The following TET3 variants were observed in gnomAD, a reference collection of about 807,000 sequenced individuals.
TET3 encodes the protein tet methylcytosine dioxygenase 3.
A neutral mutation model predicts 141.4 loss-of-function variants in TET3; 19 were observed. The ratio of observed to expected loss-of-function variants is 0.13; its 90% CI spans 0.09 to 0.20. TET3 has a LOEUF of 0.20. Ranked by LOEUF, TET3 falls within the 10% of genes least tolerant of loss-of-function variation. TET3 has a pLI of 1.00. For synonymous variants in TET3, 1,043 were observed against 980.9 expected, an observed-to-expected ratio of 1.06 and a Z score of -1.18; for missense variants, 1,874 against 2,356.9, an observed-to-expected ratio of 0.80 and a Z score of 4.24.
Position 74,047,078 on chromosome 2 carries a change from C to T in TET3, c.1161C>T (p.Ala387=). 1 of 1,614,008 alleles carries T rather than the reference C, an allele frequency of 6.2e-7. No homozygotes were observed. The highest frequency in any genetic ancestry group is 8.5e-7 in the Non-Finnish European group (1 of 1,179,876). ...TPQASCPLPE[A]LSPPAPFRSP... ...AGGCTTCTTGCCCCCTTCCTGAGGC[C>T]TTGTCACCTCCTGCCCCTTTCAGAT... The change falls in exon 4 of 12, where the codon GCC becomes GCT. Residue 387 remains alanine (A), a synonymous_variant. Coordinates refer to ENST00000409262, the MANE Select transcript of TET3 (RefSeq NM_001287491.2).
intron 4 of TET3, among the ~76,000 whole-genome samples, chr2:74,062,804 G>A (rs1030421147): frequency 1.3e-5 from 2 of 150,768 alleles, no homozygotes; most frequent in Non-Finnish European, 3.0e-5. Context: ...AAGAAGGTTA[G>A]TAAACCTTGT....
At chr2:73,993,146 A>G (rs905439110) in intron 2 of TET3, 1 of 152,184 alleles carries the variant, frequency 6.6e-6, no homozygotes, top group African/African-American at 2.4e-5. Context: ...TCCAGGGTGG[A>G]CCAAACTGGT....
the TET3 span, among the ~76,000 whole-genome samples, chr2:74,113,887 G>C: frequency 6.6e-6 from 1 of 152,034 alleles, no homozygotes; most frequent in East Asian, 1.9e-4. Context: ...CCCAAAGCAA[G>C]CTACATATTT....
intron 3 of TET3, among the ~76,000 whole-genome samples, chr2:74,031,493 G>A (rs1686686145): frequency 6.6e-6 from 1 of 152,158 alleles, no homozygotes; most frequent in South Asian, 2.1e-4. Flanking sequence ...AGTTATCTGG[G>A]CTAATAAACG....
In TET3 at chr2:74,104,939, A is replaced by C. The variant is rs1008168813; in HGVS notation, c.*2763A>C. On this transcript the variant is annotated 3_prime_UTR_variant, in exon 12 of 12. Coordinates refer to ENST00000409262, the MANE Select transcript of TET3 (RefSeq NM_001287491.2). Reference sequence around the variant, plus strand: ...CGGTGTGGTTGCCGTGCTCAAGCCCATGCTGATTTGTACACTACATGTCTA... The same window carrying C: ...CGGTGTGGTTGCCGTGCTCAAGCCCCTGCTGATTTGTACACTACATGTCTA... 1.1e-5 allele frequency: 4 copies of C among 377,894 alleles called. No homozygotes were observed. Among genetic ancestry groups the C allele is most frequent in the African/African-American group, 8.3e-5 (4 of 48,246 alleles). The allele number at this position is 377,894 out of a possible 1,614,324, so 23.4% of individuals were successfully genotyped here. A position where few individuals can be genotyped will look rare whatever the true frequency, so the allele number is the denominator to read the frequency against.
At chr2:74,075,167 G>C (rs1689431806) in intron 5 of TET3, among the ~76,000 whole-genome samples, 1 of 152,126 alleles carries the variant, frequency 6.6e-6, no homozygotes, top group Non-Finnish European at 1.5e-5. Context: ...ACTGCGCCCA[G>C]CTGCATTAGT....
chr2:73,989,234 G>T (rs971670487), intron 2 of TET3, among the ~76,000 whole-genome samples: 2 of 152,122 alleles, frequency 1.3e-5, no homozygotes, highest in African/African-American at 2.4e-5. Context: ...CATGTCCCGG[G>T]ATTGGGGAGG....
At chr2:74,061,581 G>C (rs1307314256) in intron 4 of TET3, among the ~76,000 whole-genome samples, 1 of 147,114 alleles carries the variant, frequency 6.8e-6, no homozygotes, top group Non-Finnish European at 1.5e-5. Flanking sequence ...CGGGGCGGCT[G>C]GCCGGGCGGG....
In TET3 at chr2:74,061,800, C is replaced by T. The variant is rs566738011; in HGVS notation, c.2495-11749C>T. On this transcript the variant is annotated intron_variant, in intron 4 of 11. Transcript: ENST00000409262. ...AGACGGGGTCGCGGCCGGGTAGAGGCGCTCCTCACATCTCAGACGATGGGC... is the reference window on the plus strand; with the variant it reads ...AGACGGGGTCGCGGCCGGGTAGAGGTGCTCCTCACATCTCAGACGATGGGC... Among the ~76,000 whole-genome samples, 194 of 130,682 alleles carry T rather than the reference C, an allele frequency of 1.5e-3. 6 individuals carry two copies. Among genetic ancestry groups the T allele is most frequent in the African/African-American group, 6.1e-3 (183 of 29,968 alleles). 85.7% of individuals were successfully genotyped at this position (130,682 alleles called of 152,430 possible).
At chr2:74,030,115 T>C (rs1686597862) in intron 3 of TET3, among the ~76,000 whole-genome samples, 1 of 152,204 alleles carries the variant, frequency 6.6e-6, no homozygotes, top group African/African-American at 2.4e-5. Context: ...ATGCGGAATG[T>C]ATATTTGTTT....
At chr2:74,090,919 G>A (rs998034026) in intron 8 of TET3, among the ~76,000 whole-genome samples, 10 of 152,122 alleles carry the variant, frequency 6.6e-5, no homozygotes, top group Admixed American at 6.5e-4. Context: ...ATCCAAATAC[G>A]TGAACTCAAG....
At chr2:74,054,770 A>G (rs901983475) in intron 4 of TET3, among the ~76,000 whole-genome samples, 8 of 152,246 alleles carry the variant, frequency 5.3e-5, no homozygotes, top group East Asian at 1.9e-4. Flanking sequence ...TAACAGCATC[A>G]GAAAAGAAGG....
the TET3 span, among the ~76,000 whole-genome samples, chr2:74,113,831 T>C: frequency 6.6e-6 from 1 of 152,118 alleles, no homozygotes; most frequent in African/African-American, 2.4e-5. Flanking sequence ...AGACATCCCA[T>C]GCTCGCAGAT....
chr2:74,112,274 A>AATATGG (rs1334060534), downstream of TET3, among the ~76,000 whole-genome samples: 63 of 151,706 alleles, frequency 4.2e-4, 1 homozygote, highest in East Asian at 0.012. Flanking sequence ...TCCTTGGTGC[A>AATATGG]CCTCCCCATG....
At chr2:74,111,521 A>G (rs971752611), downstream of TET3, among the ~76,000 whole-genome samples, 1 of 152,208 alleles carries the variant, frequency 6.6e-6, no homozygotes, top group Non-Finnish European at 1.5e-5. Context: ...GTACAGTCAT[A>G]CAGGCTATGC....
chr2:74,048,505 T>C (rs979359948), intron 4 of TET3, 94 bp downstream of exon 4: 2 of 1,329,644 alleles, frequency 1.5e-6, no homozygotes, highest in Non-Finnish European at 1.0e-6. Context: ...GGCAAACATT[T>C]ATTTGTGCCA....
At chr2:74,005,808 C>T (rs549049276) in intron 3 of TET3, among the ~76,000 whole-genome samples, 4 of 152,330 alleles carry the variant, frequency 2.6e-5, no homozygotes, top group African/African-American at 4.8e-5. Context: ...GCTTGATAAA[C>T]GCAAGTTGAC....
rs368599190 is a variant in TET3, at chr2:74,101,948, A to G, written c.5160A>G (p.Ala1720=). Residue 1720 remains alanine, a synonymous_variant, in exon 12 of 12, where the codon GCA becomes GCG. Transcript: ENST00000409262. This position sits in a 1 kb window ranked among gnomAD's most constrained non-coding sequence, Gnocchi z 8.5. The part of the protein sequence containing the change: ...EAKMKQLAER[A]RARQEEAARL... Reference sequence around the variant, plus strand: ...AGATGAAGCAGCTGGCGGAGAGGGCACGGGCACGGCAGGAGGAGGCTGCCC... The same window carrying G: ...AGATGAAGCAGCTGGCGGAGAGGGCGCGGGCACGGCAGGAGGAGGCTGCCC... 2.8e-5 allele frequency: 45 copies of G among 1,612,298 alleles called. No individual in the cohort carries two copies. Among genetic ancestry groups the G allele is most frequent in the Admixed American group, 6.7e-5 (4 of 59,958 alleles).
At chr2:74,028,979 A>C (rs1187332292) in intron 3 of TET3, among the ~76,000 whole-genome samples, 1 of 152,182 alleles carries the variant, frequency 6.6e-6, no homozygotes, top group Non-Finnish European at 1.5e-5. Flanking sequence ...CAATCTGCTT[A>C]TCTCTTGCTG....
Sources: allele counts gnomAD v4.1 joint callset (sites outside exome capture counted in the v4.1 genomes callset), GRCh38; gene constraint gnomAD v4.1.1; non-coding constraint Gnocchi (gnomAD v3.1); transcripts MANE v1.5; gene names NCBI Gene and HGNC (gene_info 2026-07-23, HGNC 2026-07-21).